Variants in CSMD1 observed in about 807,000 individuals in gnomAD.
CSMD1 encodes CUB and Sushi multiple domains 1, also known as CUB and sushi domain-containing protein 1.
A neutral mutation model predicts 417.5 loss-of-function variants in CSMD1; 213 were observed. That is an observed-to-expected ratio of 0.51 (90% CI 0.46 to 0.57). CSMD1 has a LOEUF of 0.57. Among genes scored for constraint, CSMD1 ranks in the 20% least tolerant of loss-of-function variants. The pLI, the probability that CSMD1 is intolerant of heterozygous loss-of-function variation, is 0.00. For missense variants in CSMD1, 6,923 were observed against 4,529.7 expected (o/e 1.53, Z -15.17); for synonymous variants, 2,862 against 1,736.8 (o/e 1.65, Z -16.11).
At chr8:3,546,439 G>C (rs1450871473) in intron 10 of CSMD1, among the ~76,000 whole-genome samples, 2 of 152,106 alleles carry the variant, frequency 1.3e-5, no homozygotes, top group East Asian at 1.9e-4. Flanking sequence ...GGGAGGCTGA[G>C]GCAGGAGAAT....
intron 5 of CSMD1, among the ~76,000 whole-genome samples, chr8:3,995,417 C>G (rs375747193): frequency 6.6e-6 from 1 of 152,194 alleles, no homozygotes; most frequent in African/African-American, 2.4e-5. Context: ...TGCTAAATTG[C>G]TTTTCCATCT....
chr8:3,371,229 A>T (rs1364945229), intron 18 of CSMD1, among the ~76,000 whole-genome samples: 1 of 152,076 alleles, frequency 6.6e-6, no homozygotes, highest in African/African-American at 2.4e-5. Flanking sequence ...TCCCACAATA[A>T]ATCCTGGTTC....
At chr8:4,591,377 A>C (rs1477253536) in intron 2 of CSMD1, among the ~76,000 whole-genome samples, 1 of 152,242 alleles carries the variant, frequency 6.6e-6, no homozygotes, top group Non-Finnish European at 1.5e-5. Context: ...CCTTGGATAT[A>C]TGAATACAAC....
intron 1 of CSMD1, among the ~76,000 whole-genome samples, chr8:4,977,005 T>A (rs1001552679): frequency 2.0e-5 from 3 of 152,202 alleles, no homozygotes; most frequent in African/African-American, 2.4e-5. Context: ...ATGTCTCCCA[T>A]GTGTACTCGA....
chr8:4,442,282 A>C (rs1037518178), intron 2 of CSMD1, among the ~76,000 whole-genome samples: 5 of 152,178 alleles, frequency 3.3e-5, no homozygotes, highest in African/African-American at 1.2e-4. Context: ...AACAGTAAAA[A>C]AATTATTAAA....
chr8:4,566,019 T>C (rs1268044685), intron 2 of CSMD1, among the ~76,000 whole-genome samples: 2 of 152,030 alleles, frequency 1.3e-5, no homozygotes, highest in African/African-American at 4.8e-5. Flanking sequence ...CTATTTTACA[T>C]ATAACTTTAG....
rs550957964 is a variant in CSMD1, at chr8:3,446,085, G to C, written c.1561+22627C>G. ...AACAGTCTGGAAAGATAACAGTAAA[G>C]TTGAAATGGACTAAAAACTAATTTG... On this transcript the variant is annotated intron_variant, in intron 12 of 69. Transcript: ENST00000635120. Among the ~76,000 whole-genome samples, 9 of 152,248 alleles carry C rather than the reference G, an allele frequency of 5.9e-5. No individual in the cohort carries two copies. The South Asian group carries it at 1.7e-3, about 28-fold the overall frequency.
At chr8:3,793,733 A>C (rs893188770) in intron 5 of CSMD1, among the ~76,000 whole-genome samples, 1 of 151,854 alleles carries the variant, frequency 6.6e-6, no homozygotes, top group Admixed American at 6.6e-5. Flanking sequence ...TGCACTTTTT[A>C]TTTTCGTAGG....
intron 9 of CSMD1, among the ~76,000 whole-genome samples, chr8:3,580,866 C>G (rs1245927592): frequency 6.6e-6 from 1 of 152,072 alleles, no homozygotes; most frequent in Non-Finnish European, 1.5e-5. Context: ...GCAGAAAACA[C>G]CAATGGAAAA....
intron 7 of CSMD1, among the ~76,000 whole-genome samples, chr8:3,659,516 T>C (rs1798303458): frequency 6.6e-6 from 1 of 152,198 alleles, no homozygotes; most frequent in Non-Finnish European, 1.5e-5. Context: ...GTTATTCTCT[T>C]TGCCAGCTGT....
At chr8:3,600,363 T>C (rs1563188359) in intron 8 of CSMD1, among the ~76,000 whole-genome samples, 1 of 152,198 alleles carries the variant, frequency 6.6e-6, no homozygotes, top group Non-Finnish European at 1.5e-5. Context: ...CCTAGTTAAA[T>C]TGATAAACCA....
rs1232453693 is a variant in CSMD1 at position 3,087,369 on chromosome 8, G to A, written c.7286-84C>T. 10 of 1,359,700 alleles carry A rather than the reference G, an allele frequency of 7.4e-6. No individual in the cohort carries two copies. The Admixed American group carries it at 1.6e-4, about 22-fold the overall frequency. 84.2% of individuals were successfully genotyped at this position (1,359,700 alleles called of 1,614,324 possible). On this transcript the variant is annotated intron_variant, in intron 48 of 69. Coordinates refer to ENST00000635120, the MANE Select transcript of CSMD1 (RefSeq NM_033225.6). ...ATTGCCTTTGTGAGAGTCTATAAAT[G>A]AATGGCTTCTCATTTCCAAAAGGTA...
At chr8:3,892,809 G>A (rs1051352465) in intron 5 of CSMD1, among the ~76,000 whole-genome samples, 1 of 149,638 alleles carries the variant, frequency 6.7e-6, no homozygotes, top group Non-Finnish European at 1.5e-5. Context: ...GTGAACTCAG[G>A]TGAGCCATGA....
At chr8:3,051,086 C>T (rs1037072887) in intron 50 of CSMD1, among the ~76,000 whole-genome samples, 2 of 152,166 alleles carry the variant, frequency 1.3e-5, no homozygotes, top group African/African-American at 4.8e-5. Context: ...ACCCAGCAAT[C>T]CCATTACTGG....
At chr8:2,948,331 C>T (rs190605455) in intron 68 of CSMD1, among the ~76,000 whole-genome samples, 202 of 151,738 alleles carry the variant, frequency 1.3e-3, no homozygotes, top group African/African-American at 4.5e-3. Flanking sequence ...ATATTGTGAC[C>T]CATCCTAGAT....
At chr8:4,311,446 G>C (rs1451977432) in intron 3 of CSMD1, among the ~76,000 whole-genome samples, 1 of 152,114 alleles carries the variant, frequency 6.6e-6, no homozygotes, top group Non-Finnish European at 1.5e-5. Flanking sequence ...TCTAAGTCTG[G>C]ACATCGTGGC....
intron 3 of CSMD1, among the ~76,000 whole-genome samples, chr8:4,314,848 C>T (rs555890298): frequency 1.3e-5 from 2 of 152,104 alleles, no homozygotes; most frequent in African/African-American, 2.4e-5. Flanking sequence ...GAGGGAGCTG[C>T]GACAAGCTGG....
intron 2 of CSMD1, among the ~76,000 whole-genome samples, chr8:4,440,457 G>T (rs1002880934): frequency 5.9e-5 from 9 of 151,884 alleles, no homozygotes; most frequent in African/African-American, 2.2e-4. Flanking sequence ...TGTTCATCTT[G>T]TTACTCACAA....
At chr8:3,846,125 G>C (rs1360023214) in intron 5 of CSMD1, among the ~76,000 whole-genome samples, 5 of 152,078 alleles carry the variant, frequency 3.3e-5, no homozygotes, top group Admixed American at 6.6e-5. Flanking sequence ...ATATAAACCA[G>C]TACCATGGTT....
Sources: gnomAD v4.1 joint callset for allele counts (sites outside exome capture counted in the v4.1 genomes callset) on GRCh38, gnomAD v4.1.1 for gene constraint, MANE v1.5 for transcripts, NCBI Gene and HGNC (gene_info 2026-07-23, HGNC 2026-07-21) for gene names.